The following SEPTIN6 variants were observed in gnomAD, a reference collection of about 807,000 sequenced individuals.
SEPTIN6 encodes the protein septin-6.
In SEPTIN6, 8 loss-of-function variants were observed where a neutral mutation model predicts 33.6. The observed-to-expected ratio is 0.24, with a 90% CI of 0.14 to 0.43. The LOEUF (loss-of-function observed/expected upper bound fraction) is 0.43, where lower values mean the gene tolerates loss of function less well. Ranked by LOEUF, SEPTIN6 falls within the 20% of genes least tolerant of loss-of-function variation. The pLI, the probability that SEPTIN6 is intolerant of heterozygous loss-of-function variation, is 1.00. For missense variants in SEPTIN6, 250 were observed against 340.8 expected (o/e 0.73, Z 2.10); for synonymous variants, 131 against 140.0 (o/e 0.94, Z 0.45).
At chrX:119,686,530 A>C in intron 1 of SEPTIN6, 1 of 834,268 alleles carries the variant, frequency 1.2e-6, no homozygotes, top group Non-Finnish European at 1.6e-6. Flanking sequence ...ATGAGAAGAC[A>C]CTGAAGAAGA....
rs770191938 is a variant in SEPTIN6 at position 119,633,505 on chromosome X, T to G, written c.957-13A>C. The G allele has an allele frequency of 8.5e-7, 1 of 1,174,794 alleles. No individual in the cohort carries two copies. The highest frequency in any genetic ancestry group is 1.1e-6 in the Non-Finnish European group (1 of 878,312). On this transcript the variant is annotated splice_polypyrimidine_tract_variant and intron_variant, in intron 7 of 10. Coordinates refer to ENST00000394610, the MANE Select transcript of SEPTIN6 (RefSeq NM_145799.4). Reference sequence around the variant, plus strand: ...TGTCTCCTGTAAACTGCGAACATGGTCAGGTTAATTCTTCTTCCTTTGGAA... The same window carrying G: ...TGTCTCCTGTAAACTGCGAACATGGGCAGGTTAATTCTTCTTCCTTTGGAA...
chrX:119,677,320 C>G (rs781441476), intron 1 of SEPTIN6, among the ~76,000 whole-genome samples: 97 of 112,090 alleles, frequency 8.7e-4, no homozygotes, highest in Non-Finnish European at 1.2e-3. Flanking sequence ...TTCCAAGGAG[C>G]CAGGGGGAAG....
At chrX:119,671,588 C>T (rs973199082) in intron 2 of SEPTIN6, among the ~76,000 whole-genome samples, 1 of 109,474 alleles carries the variant, frequency 9.1e-6, no homozygotes, top group African/African-American at 3.3e-5. Context: ...GCGCCTGGCC[C>T]TCTACACAAT....
chrX:119,640,195 A>AT (rs1388478748), intron 6 of SEPTIN6, among the ~76,000 whole-genome samples: 1 of 24,267 alleles, frequency 4.1e-5, no homozygotes, highest in Admixed American at 5.3e-4. Flanking sequence ...TTTTTTTTGT[A>AT]TTTTTAGTAG....
chrX:119,689,456 A>G (rs1314381157), intron 1 of SEPTIN6, among the ~76,000 whole-genome samples: 1 of 111,999 alleles, frequency 8.9e-6, no homozygotes, highest in Non-Finnish European at 1.9e-5. Flanking sequence ...TGTCATTCCA[A>G]CTAGACTATA....
At position 119,617,325 on chromosome X, in the gene SEPTIN6, A is replaced by G; in HGVS notation, c.*2768T>C. 2 of 805,641 alleles carry G rather than the reference A, an allele frequency of 2.5e-6. No individual in the cohort carries two copies. The highest frequency in any genetic ancestry group is 3.0e-6 in the Non-Finnish European group (2 of 670,660). The allele number at this position is 805,641 out of a possible 1,213,427, so 66.4% of individuals were successfully genotyped here. ...GGAAAAAATCTGTCTACAGTGAGAA[A>G]AGCTACCCAATGAAATACACATTTT... is the stretch of plus-strand genomic sequence containing the variant. On this transcript the variant is annotated 3_prime_UTR_variant, in exon 11 of 11. Coordinates refer to ENST00000394610, the MANE Select transcript of SEPTIN6 (RefSeq NM_145799.4).
chrX:119,635,104 C>A (rs2054040869), intron 7 of SEPTIN6: 1 of 350,252 alleles, frequency 2.9e-6, no homozygotes, highest in East Asian at 8.0e-5. Flanking sequence ...GTAAGGGAAG[C>A]AGAACTCCCA....
chrX:119,664,460 T>C (rs2054600505), intron 2 of SEPTIN6, among the ~76,000 whole-genome samples: 1 of 111,389 alleles, frequency 9.0e-6, no homozygotes, highest in African/African-American at 3.3e-5. Context: ...TTTTTATATT[T>C]CCCAAGTTTT....
intron 9 of SEPTIN6, 126 bp from the exon 10 acceptor site, chrX:119,625,505 G>A: frequency 1.6e-6 from 1 of 608,853 alleles, no homozygotes; most frequent in South Asian, 2.6e-5. Context: ...GGGGAAGTGG[G>A]AAGGGTGGAC....
At chrX:119,663,453 A>AACC in intron 3 of SEPTIN6, 29 bp downstream of exon 3, 1 of 293,596 alleles carries the variant, frequency 3.4e-6, no homozygotes, top group Non-Finnish European at 6.0e-6. Context: ...CAACCTCCCC[A>AACC]CCCTACCCCA....
At chrX:119,661,417 C>G (rs781778825) in intron 3 of SEPTIN6, among the ~76,000 whole-genome samples, 152 of 110,436 alleles carry the variant, frequency 1.4e-3, no homozygotes, top group Middle Eastern at 4.8e-3. Context: ...GGCAACAGAG[C>G]GAGACTCCGT....
At position 119,649,359 on chromosome X, in the gene SEPTIN6, G is replaced by T. The variant is rs113146984; in HGVS notation, c.690+578C>A. 6.1e-3 allele frequency among the ~76,000 whole-genome samples: 651 copies of T among 106,941 alleles called. 8 individuals are homozygous for T. The highest frequency in any genetic ancestry group is 0.021 in the African/African-American group (609 of 29,368). The allele number at this position is 106,941 out of a possible 115,157, so 92.9% of individuals were successfully genotyped here. ...TCTACCCGCCTCGGCCTCCAAAAGT[G>T]CTAGGATTACAGGCGTGAGACACCA... On this transcript the variant is annotated intron_variant, in intron 5 of 10. Coordinates refer to ENST00000394610, the MANE Select transcript of SEPTIN6 (RefSeq NM_145799.4).
intron 6 of SEPTIN6, among the ~76,000 whole-genome samples, chrX:119,639,967 CTAAT>C (rs768511000): frequency 8.6e-5 from 2 of 23,137 alleles, no homozygotes; most frequent in Non-Finnish European, 1.8e-4. Flanking sequence ...CCATACCTGA[CTAAT>C]TTTTTTTTTT....
intron 2 of SEPTIN6, among the ~76,000 whole-genome samples, chrX:119,670,283 T>C (rs1878825288): frequency 9.0e-6 from 1 of 111,056 alleles, no homozygotes; most frequent in Admixed American, 9.6e-5. Flanking sequence ...ATAGGCCAGG[T>C]GTGGTGGCTC....
chrX:119,687,527 A>G (rs868403429), intron 1 of SEPTIN6, among the ~76,000 whole-genome samples: 3 of 111,217 alleles, frequency 2.7e-5, no homozygotes, highest in East Asian at 5.6e-4. Context: ...GGGATTACAG[A>G]CGTGAGCCAC....
chrX:119,690,438 T>C (rs1278472751), intron 1 of SEPTIN6, among the ~76,000 whole-genome samples: 1 of 108,772 alleles, frequency 9.2e-6, no homozygotes, highest in Non-Finnish European at 1.9e-5. Flanking sequence ...TTAAAAAGAA[T>C]TCCTGGCCGG....
chrX:119,653,162 C>A, intron 3 of SEPTIN6, 122 bp from the exon 4 acceptor site: 1 of 572,118 alleles, frequency 1.7e-6, no homozygotes, highest in South Asian at 3.0e-5. Context: ...CTGCATTTCT[C>A]CATCTCCCTT....
Position 119,649,945 on chromosome X carries a change from T to A in SEPTIN6, c.682A>T (p.Thr228Ser). 1 of 1,209,502 alleles carries A rather than the reference T, an allele frequency of 8.3e-7. No homozygotes were observed. Among genetic ancestry groups the A allele is most frequent in the Non-Finnish European group, 1.1e-6 (1 of 893,451 alleles). The change falls in exon 5 of 11, where the codon ACC becomes TCC. Residue 228 changes from threonine (T) to serine (S), a missense_variant. Coordinates refer to ENST00000394610, the MANE Select transcript of SEPTIN6 (RefSeq NM_145799.4). ...AAATTGCTCCCACTCACGTTCATGG[T>A]TCCATTGATCTCTGCCACCGACTCA... Reference protein sequence around the residue: ...DDESVAEINGTMNAHLPFAVI... With the variant: ...DDESVAEINGSMNAHLPFAVI...
At chrX:119,629,255 C>T (rs868099248) in intron 9 of SEPTIN6, 63 bp downstream of exon 9, 1 of 1,120,994 alleles carries the variant, frequency 8.9e-7, no homozygotes, top group Non-Finnish European at 1.2e-6. Context: ...GTGCCACGTC[C>T]TGCCCTGGGA....
Sources: gnomAD v4.1 joint callset for allele counts (sites outside exome capture counted in the v4.1 genomes callset) on GRCh38, gnomAD v4.1.1 for gene constraint, MANE v1.5 for transcripts, NCBI Gene and HGNC (gene_info 2026-07-23, HGNC 2026-07-21) for gene names.